Variants in NCK2 observed in about 807,000 individuals in gnomAD.
NCK2 encodes the protein NCK adaptor protein 2, also known as cytoplasmic protein NCK2.
NCK2 carries 16 observed loss-of-function variants against 33.9 expected under a neutral mutation model. That is an observed-to-expected ratio of 0.47 (90% confidence interval 0.32 to 0.72). The LOEUF (loss-of-function observed/expected upper bound fraction) is 0.72, where lower values mean the gene tolerates loss of function less well. Ranked by LOEUF, NCK2 falls within the 30% of genes least tolerant of loss-of-function variation. NCK2 has a pLI of 0.03. For synonymous variants in NCK2, 273 were observed against 239.9 expected (o/e 1.14, Z -1.27); for missense variants, 418 against 537.3 (o/e 0.78, Z 2.19).
At chr2:105,780,377 A>G (rs1416725926) in intron 1 of NCK2, among the ~76,000 whole-genome samples, 2 of 151,842 alleles carry the variant, frequency 1.3e-5, no homozygotes, top group Non-Finnish European at 2.9e-5. Context: ...CATCTAAAGG[A>G]CACACACACA....
intron 1 of NCK2, among the ~76,000 whole-genome samples, chr2:105,758,480 G>A (rs1689664573): frequency 6.9e-6 from 1 of 144,722 alleles, no homozygotes. Context: ...GCTTGATCTC[G>A]GCTCACTGCA....
At chr2:105,862,529 G>A (rs950851686) in intron 3 of NCK2, among the ~76,000 whole-genome samples, 9 of 152,288 alleles carry the variant, frequency 5.9e-5, no homozygotes, top group African/African-American at 1.7e-4. Context: ...TTGACTATCT[G>A]GATTTAGTGG....
chr2:105,840,970 A>G (rs1676623197), intron 2 of NCK2, among the ~76,000 whole-genome samples: 1 of 150,144 alleles, frequency 6.7e-6, no homozygotes, highest in South Asian at 2.1e-4. Flanking sequence ...CTGGCTTCCC[A>G]GAAACAAGGA....
At chr2:105,782,921 G>A (rs932239685) in intron 1 of NCK2, among the ~76,000 whole-genome samples, 5 of 152,200 alleles carry the variant, frequency 3.3e-5, no homozygotes, top group South Asian at 4.1e-4. Context: ...TGTGCTCACC[G>A]GCTTGGCGAA....
At position 105,799,315 on chromosome 2, in the gene NCK2, A is replaced by T. The variant is rs117343449; in HGVS notation, c.-200-17115A>T. 6.5e-4 allele frequency among the ~76,000 whole-genome samples: 98 copies of T among 151,684 alleles called. 2 individuals are homozygous for T. In the East Asian group the frequency reaches 0.011, roughly 18 times the overall value. ...TTCAGGGTTATAAAGGGTGTTTTCC[A>T]TATGTCCTTCTATACTTTTACTTTT... is the stretch of plus-strand genomic sequence containing the variant. On this transcript the variant is annotated intron_variant, in intron 1 of 4. Coordinates refer to ENST00000233154, the MANE Select transcript of NCK2 (RefSeq NM_003581.5).
At chr2:105,762,411 G>A (rs9973371) in intron 1 of NCK2, among the ~76,000 whole-genome samples, 2,013 of 152,218 alleles carry the variant, frequency 0.013, 36 homozygotes, top group African/African-American at 0.046. Context: ...AAGGGGTTCA[G>A]TCTGTCTCTT....
chr2:105,852,337 GTGT>G (rs1294608274), intron 2 of NCK2, among the ~76,000 whole-genome samples: 1 of 152,166 alleles, frequency 6.6e-6, no homozygotes, highest in Non-Finnish European at 1.5e-5. Flanking sequence ...GTTCTGTGGG[GTGT>G]TGTTTTGTGG....
chr2:105,746,667 C>G (rs1240974707), intron 1 of NCK2, among the ~76,000 whole-genome samples: 1 of 152,152 alleles, frequency 6.6e-6, no homozygotes, highest in Non-Finnish European at 1.5e-5. Context: ...GGAGATTGGG[C>G]TAGACATGGA....
intron 1 of NCK2, among the ~76,000 whole-genome samples, chr2:105,766,505 T>C (rs1419024652): frequency 6.6e-6 from 1 of 152,144 alleles, no homozygotes; most frequent in Non-Finnish European, 1.5e-5. Context: ...ATTTTTGTTG[T>C]AGAGATGGAG....
Position 105,784,052 on chromosome 2 carries a change from C to T in NCK2, c.-200-32378C>T, listed in dbSNP as rs147876257. On this transcript the variant is annotated intron_variant, in intron 1 of 4. Coordinates refer to ENST00000233154, the MANE Select transcript of NCK2 (RefSeq NM_003581.5). ...TGTGGCACCTGGTTGGCCTCAACAC[C>T]ATGCGTGGCATTGGCAGTGATGAAA... 2.7e-4 allele frequency among the ~76,000 whole-genome samples: 41 copies of T among 152,342 alleles called. No homozygotes were observed. In the East Asian group the frequency reaches 6.0e-3, roughly 22 times the overall value.
intron 1 of NCK2, among the ~76,000 whole-genome samples, chr2:105,755,954 A>C (rs77562819): frequency 0.013 from 1,982 of 152,354 alleles, 44 homozygotes; most frequent in African/African-American, 0.045. Flanking sequence ...AGAGACTAAA[A>C]ATATCACAAA....
At chr2:105,825,657 CTTG>C (rs1379356689) in intron 2 of NCK2, among the ~76,000 whole-genome samples, 12 of 152,280 alleles carry the variant, frequency 7.9e-5, no homozygotes, top group African/African-American at 2.9e-4. Context: ...GATAATTTCT[CTTG>C]TTTTATTAGA....
At chr2:105,865,902 A>ATATTATTAT (rs61440392) in intron 3 of NCK2, among the ~76,000 whole-genome samples, 14,749 of 148,704 alleles carry the variant, frequency 0.099, 855 homozygotes, top group Middle Eastern at 0.14. Context: ...AAAGACAGAG[A>ATATTATTAT]TATTATTATT....
intron 1 of NCK2, among the ~76,000 whole-genome samples, chr2:105,750,000 TG>T (rs1303941202): frequency 6.7e-6 from 1 of 149,544 alleles, no homozygotes; most frequent in Non-Finnish European, 1.5e-5. Context: ...ACTGCACTCC[TG>T]GGTGACAGCG....
chr2:105,841,305 GT>G (rs761363952), intron 2 of NCK2, among the ~76,000 whole-genome samples: 6 of 152,162 alleles, frequency 3.9e-5, no homozygotes, highest in Non-Finnish European at 7.4e-5. Flanking sequence ...TGTGGCTTAT[GT>G]TTTTTCCCTC....
chr2:105,794,075 A>G lies in NCK2; in HGVS notation c.-200-22355A>G, dbSNP rs1199767776. 2.9e-5 allele frequency among the ~76,000 whole-genome samples: 4 copies of G among 136,694 alleles called. No homozygotes were observed. In the East Asian group the frequency reaches 6.4e-4, roughly 22 times the overall value. 89.7% of individuals were successfully genotyped at this position (136,694 alleles called of 152,430 possible). On this transcript the variant is annotated intron_variant, in intron 1 of 4. Coordinates refer to ENST00000233154, the MANE Select transcript of NCK2 (RefSeq NM_003581.5). ...TTTTTTTTTTTTTTTTGGAGACGGA[A>G]TCTTGCTCTGTCGCCCAGGCTGGAG... is the stretch of plus-strand genomic sequence containing the variant.
intron 3 of NCK2, 87 bp downstream of exon 3, chr2:105,855,376 A>AC: frequency 9.2e-7 from 1 of 1,088,946 alleles, no homozygotes; most frequent in Non-Finnish European, 1.3e-6. Flanking sequence ...TTTCAAAAAA[A>AC]AAAAAGTCTG....
chr2:105,799,561 AGTCT>A (rs1221662857), intron 1 of NCK2, among the ~76,000 whole-genome samples: 4 of 152,264 alleles, frequency 2.6e-5, no homozygotes, highest in East Asian at 1.9e-4. Flanking sequence ...GTGTTTCGTT[AGTCT>A]GTCTATCTGC....
chr2:105,759,263 G>C (rs550682541), intron 1 of NCK2, among the ~76,000 whole-genome samples: 1 of 152,118 alleles, frequency 6.6e-6, no homozygotes. Flanking sequence ...ATCGTTTTAC[G>C]TATTCAAGTA....
Sources: gnomAD v4.1 joint callset for allele counts (sites outside exome capture counted in the v4.1 genomes callset) on GRCh38, gnomAD v4.1.1 for gene constraint, MANE v1.5 for transcripts, NCBI Gene and HGNC (gene_info 2026-07-23, HGNC 2026-07-21) for gene names.